EPHA5: variants seen among roughly 807,000 people sequenced by gnomAD.
The protein encoded by EPHA5 is ephrin type-A receptor 5.
In EPHA5, 60 loss-of-function variants were observed where a neutral mutation model predicts 105.0. The observed-to-expected ratio is 0.57, with a 90% CI of 0.46 to 0.71. EPHA5 has a LOEUF of 0.71. Among genes scored for constraint, EPHA5 ranks in the 30% least tolerant of loss-of-function variants. The pLI is 0.00. For missense variants in EPHA5, 1,218 were observed against 1,274.7 expected, an observed-to-expected ratio of 0.96 and a Z score of 0.68; for synonymous variants, 513 against 449.1, an observed-to-expected ratio of 1.14 and a Z score of -1.80.
chr4:65,609,312 A>G (rs945397352), intron 2 of EPHA5, among the ~76,000 whole-genome samples: 13 of 152,212 alleles, frequency 8.5e-5, no homozygotes, highest in Non-Finnish European at 4.4e-5. Flanking sequence ...AAAGACTTGC[A>G]TCAAGTAGGA....
chr4:65,368,655 C>T (rs76546208), intron 8 of EPHA5, among the ~76,000 whole-genome samples: 2,538 of 152,292 alleles, frequency 0.017, 62 homozygotes, highest in Admixed American at 0.068. Flanking sequence ...CTAGACATGG[C>T]TATAGCCAAA....
At chr4:65,328,319 A>G (rs1358412621) in intron 16 of EPHA5, among the ~76,000 whole-genome samples, 2 of 151,270 alleles carry the variant, frequency 1.3e-5, no homozygotes, top group African/African-American at 2.4e-5. Context: ...ATTTTTTCAA[A>G]CATTATTCAA....
intron 3 of EPHA5, among the ~76,000 whole-genome samples, chr4:65,496,903 T>C (rs1399927613): frequency 6.6e-6 from 1 of 152,210 alleles, no homozygotes; most frequent in Non-Finnish European, 1.5e-5. Flanking sequence ...GAAAGTGTTT[T>C]CTGATATTTC....
intron 2 of EPHA5, among the ~76,000 whole-genome samples, chr4:65,624,486 G>A (rs901589684): frequency 6.6e-5 from 10 of 151,866 alleles, no homozygotes; most frequent in African/African-American, 2.4e-4. Context: ...AGTTTTCTTC[G>A]GAAATTATCA....
chr4:65,638,998 G>A (rs992229800), intron 2 of EPHA5, among the ~76,000 whole-genome samples: 4 of 152,290 alleles, frequency 2.6e-5, no homozygotes, highest in Middle Eastern at 3.4e-3. Context: ...ATCTATGAAA[G>A]CATAAATGCA....
intron 2 of EPHA5, among the ~76,000 whole-genome samples, chr4:65,605,867 G>A (rs987215339): frequency 4.6e-5 from 7 of 152,084 alleles, no homozygotes; most frequent in African/African-American, 1.2e-4. Context: ...GAGAATGAAA[G>A]CTCTCTATCC....
intron 3 of EPHA5, among the ~76,000 whole-genome samples, chr4:65,588,223 A>G (rs1276380688): frequency 6.6e-6 from 1 of 152,160 alleles, no homozygotes; most frequent in Admixed American, 6.6e-5. Flanking sequence ...CAAATGTGTC[A>G]ACCCTTCTTC....
At chr4:65,448,412 C>T (rs28477688) in intron 5 of EPHA5, among the ~76,000 whole-genome samples, 36,976 of 152,012 alleles carry the variant, frequency 0.24, 4,925 homozygotes, top group Middle Eastern at 0.33. Context: ...CTTTGTGAGG[C>T]CGAGGAGGAC....
chr4:65,388,605 A>T (rs1720375666), intron 8 of EPHA5, among the ~76,000 whole-genome samples: 1 of 151,680 alleles, frequency 6.6e-6, no homozygotes, highest in Admixed American at 6.6e-5. Flanking sequence ...TTTTGGCTGC[A>T]TAAATGTCTT....
At chr4:65,655,647 T>A (rs1341550486) in intron 1 of EPHA5, among the ~76,000 whole-genome samples, 1 of 152,126 alleles carries the variant, frequency 6.6e-6, no homozygotes, top group African/African-American at 2.4e-5. Flanking sequence ...TTAACAAGGA[T>A]AAAGATCAGA....
At position 65,436,047 on chromosome 4, in the gene EPHA5, A is replaced by C. The variant is rs148048548; in HGVS notation, c.1403-15482T>G. On this transcript the variant is annotated intron_variant, in intron 5 of 16. Transcript: ENST00000613740. ...AATGTTCTCAATGGATAATGATAAC[A>C]ACCCTTAGTAACGAAATAACTATAA... Among the ~76,000 whole-genome samples, 667 of 152,166 alleles carry C rather than the reference A, an allele frequency of 4.4e-3. 4 individuals carry two copies. Among genetic ancestry groups the C allele is most frequent in the Middle Eastern group, 6.8e-3 (2 of 294 alleles).
intron 16 of EPHA5, among the ~76,000 whole-genome samples, chr4:65,325,027 G>A (rs36037048): frequency 0.071 from 10,739 of 151,190 alleles, 456 homozygotes; most frequent in Admixed American, 0.13. Context: ...TTCCCCTAAA[G>A]TATGTATTTG....
intron 3 of EPHA5, among the ~76,000 whole-genome samples, chr4:65,565,195 G>A (rs887574619): frequency 6.6e-6 from 1 of 151,498 alleles, no homozygotes; most frequent in African/African-American, 2.4e-5. Flanking sequence ...ACTTTTCCAG[G>A]AAATAAGATT....
intron 3 of EPHA5, among the ~76,000 whole-genome samples, chr4:65,578,315 T>G (rs1560725236): frequency 6.6e-6 from 1 of 152,152 alleles, no homozygotes; most frequent in South Asian, 2.1e-4. Flanking sequence ...TATAGTTTTA[T>G]GCTAAAAAAA....
intron 5 of EPHA5, among the ~76,000 whole-genome samples, chr4:65,481,552 G>T (rs535214970): frequency 6.6e-6 from 1 of 152,148 alleles, no homozygotes; most frequent in Non-Finnish European, 1.5e-5. Flanking sequence ...ATTTAAGGTG[G>T]TTAACTGATG....
Position 65,373,409 on chromosome 4 carries a change from CT to C in EPHA5, c.1794-5986del, listed in dbSNP as rs560820572. On this transcript the variant is annotated intron_variant, in intron 8 of 16. Transcript: ENST00000613740. ...TATAAAAGGGAAGAGTACTTCCACA[CT>C]CCCCCCGGCAGATATCTTATAAAGA... Among the ~76,000 whole-genome samples the C allele has an allele frequency of 3.9e-5, 6 of 151,934 alleles. No homozygotes were observed. The East Asian group carries it at 1.2e-3, about 30-fold the overall frequency.
At chr4:65,665,289 C>A (rs757519132) in intron 1 of EPHA5, among the ~76,000 whole-genome samples, 30 of 151,816 alleles carry the variant, frequency 2.0e-4, no homozygotes, top group Non-Finnish European at 4.0e-4. Flanking sequence ...GCACTCCAGA[C>A]AAAGGAGATT....
At chr4:65,390,410 C>T (rs1336564972) in intron 8 of EPHA5, among the ~76,000 whole-genome samples, 1 of 152,040 alleles carries the variant, frequency 6.6e-6, no homozygotes, top group Non-Finnish European at 1.5e-5. Context: ...TTTCCCCTCA[C>T]TCCTGTCTTC....
In EPHA5 at chr4:65,479,634, C is replaced by T. The variant is rs1374522185; in HGVS notation, c.1402+10743G>A. ...AAAATGACTGTATCAGGGCTTTACA[C>T]TGAATACAGAATGTCCACAAATTAG... On this transcript the variant is annotated intron_variant, in intron 5 of 16. Coordinates refer to ENST00000613740, the MANE Select transcript of EPHA5 (RefSeq NM_001281766.3). Among the ~76,000 whole-genome samples, 5 of 152,180 alleles carry T rather than the reference C, an allele frequency of 3.3e-5. No individual in the cohort carries two copies. The South Asian group carries it at 8.3e-4, about 25-fold the overall frequency.
Sources: allele counts gnomAD v4.1 joint callset (sites outside exome capture counted in the v4.1 genomes callset), GRCh38; gene constraint gnomAD v4.1.1; transcripts MANE v1.5; gene names NCBI Gene and HGNC (gene_info 2026-07-23, HGNC 2026-07-21).